SHISAL2A: variants seen among roughly 807,000 people sequenced by gnomAD.
The protein encoded by SHISAL2A is shisa like 2A.
In SHISAL2A, 18 loss-of-function variants were observed where a neutral mutation model predicts 11.5. The observed-to-expected ratio is 1.57, with a 90% CI of 1.08 to 2.33. The LOEUF (loss-of-function observed/expected upper bound fraction) is 2.33, where lower values mean the gene tolerates loss of function less well. Ranked by LOEUF, SHISAL2A falls within the 30% of genes most tolerant of loss-of-function variation. The pLI is 0.00. For missense variants in SHISAL2A, 261 were observed against 250.9 expected (o/e 1.04, Z -0.27); for synonymous variants, 94 against 99.6 (o/e 0.94, Z 0.34).
At chr1:52,665,931 A>G (rs1209404370) in intron 4 of SHISAL2A, among the ~76,000 whole-genome samples, 1 of 152,146 alleles carries the variant, frequency 6.6e-6, no homozygotes, top group Admixed American at 6.6e-5. Context: ...TGCATGTGTG[A>G]GCTCACATGT....
intron 2 of SHISAL2A, among the ~76,000 whole-genome samples, chr1:52,648,634 C>T (rs141098690): frequency 1.5e-3 from 226 of 152,276 alleles, no homozygotes; most frequent in Non-Finnish European, 2.3e-3. Context: ...AGGTAGGTCT[C>T]ATTATAACCC....
chr1:52,634,109 C>T, intron 1 of SHISAL2A, among the ~76,000 whole-genome samples: 1 of 152,128 alleles, frequency 6.6e-6, no homozygotes, highest in African/African-American at 2.4e-5. Flanking sequence ...ACTTTCCACA[C>T]TCCCCAGTAC....
intron 4 of SHISAL2A, among the ~76,000 whole-genome samples, chr1:52,665,505 T>C (rs1345061599): frequency 1.3e-5 from 2 of 152,178 alleles, no homozygotes; most frequent in East Asian, 3.9e-4. Flanking sequence ...AGACTTATCA[T>C]GAGCTCATCA....
intron 2 of SHISAL2A, among the ~76,000 whole-genome samples, chr1:52,650,537 A>G (rs765223482): frequency 2.6e-5 from 4 of 152,088 alleles, no homozygotes; most frequent in Non-Finnish European, 5.9e-5. Context: ...TCTCAAACAC[A>G]TAGTAGGCTT....
At chr1:52,661,925 C>T (rs1490796318), downstream of SHISAL2A, among the ~76,000 whole-genome samples, 4 of 151,744 alleles carry the variant, frequency 2.6e-5, no homozygotes, top group Admixed American at 2.0e-4. Context: ...CCCAGCTACT[C>T]GGGAGGCTGA....
downstream of SHISAL2A, among the ~76,000 whole-genome samples, chr1:52,658,022 T>C (rs1405253481): frequency 6.8e-6 from 1 of 147,986 alleles, no homozygotes; most frequent in Non-Finnish European, 1.5e-5. Flanking sequence ...ACTCACTTCG[T>C]AAACATTAAA....
At chr1:52,659,753 G>A (rs1691868526), downstream of SHISAL2A, among the ~76,000 whole-genome samples, 1 of 152,220 alleles carries the variant, frequency 6.6e-6, no homozygotes, top group Admixed American at 6.5e-5. Flanking sequence ...GACGCTCTGT[G>A]CGACCCTTCA....
chr1:52,666,218 G>T (rs961925069), intron 4 of SHISAL2A, among the ~76,000 whole-genome samples: 9 of 152,142 alleles, frequency 5.9e-5, no homozygotes, highest in African/African-American at 2.2e-4. Flanking sequence ...TTGGACGACT[G>T]AGACGGGGGG....
intron 2 of SHISAL2A, among the ~76,000 whole-genome samples, chr1:52,647,133 C>G (rs1171392413): frequency 6.6e-6 from 1 of 152,120 alleles, no homozygotes; most frequent in African/African-American, 2.4e-5. Context: ...TGTACCTGGC[C>G]TGTTTTTGTT....
Position 52,640,580 on chromosome 1 carries a change from G to A in SHISAL2A, c.183-2283G>A, listed in dbSNP as rs145264293. Reference sequence around the variant, plus strand: ...TGAAATCCCGCCTACCAGGGAGGCTGAGGCAGGAGAATCAAGACTCTGTCT... The same window carrying A: ...TGAAATCCCGCCTACCAGGGAGGCTAAGGCAGGAGAATCAAGACTCTGTCT... On this transcript the variant is annotated intron_variant, in intron 1 of 2. Coordinates refer to ENST00000517870, the MANE Select transcript of SHISAL2A (RefSeq NM_001042693.3). Among the ~76,000 whole-genome samples, 10 of 151,428 alleles carry A rather than the reference G, an allele frequency of 6.6e-5. No individual in the cohort carries two copies. The East Asian group carries it at 1.7e-3, about 26-fold the overall frequency.
chr1:52,649,876 G>C (rs1306186620), intron 2 of SHISAL2A, among the ~76,000 whole-genome samples: 1 of 152,150 alleles, frequency 6.6e-6, no homozygotes, highest in Non-Finnish European at 1.5e-5. Flanking sequence ...TGGTGAAGAG[G>C]TCATTAGTCA....
At chr1:52,667,516 C>G (rs548128627) in exon 5 of SHISAL2A, 2 of 365,402 alleles carry the variant, frequency 5.5e-6, no homozygotes, top group South Asian at 2.2e-4. Context: ...CCACCATCAT[C>G]ATCATTGTCA....
intron 1 of SHISAL2A, among the ~76,000 whole-genome samples, chr1:52,635,586 A>G (rs1691220466): frequency 6.6e-6 from 1 of 152,014 alleles, no homozygotes; most frequent in African/African-American, 2.4e-5. Context: ...GTCTATCAAA[A>G]TGAAAGGTCT....
At chr1:52,655,856 A>G (rs1691780393) in intron 2 of SHISAL2A, among the ~76,000 whole-genome samples, 1 of 152,198 alleles carries the variant, frequency 6.6e-6, no homozygotes, top group South Asian at 2.1e-4. Context: ...GGAGGACGTG[A>G]TGGAGGGGCC....
intron 1 of SHISAL2A, chr1:52,640,015 C>G (rs1691326353): frequency 6.6e-6 from 1 of 152,148 alleles, no homozygotes; most frequent in South Asian, 2.1e-4. Context: ...GTCTTGAATT[C>G]CTGGACTCAA....
At chr1:52,639,554 C>T (rs1407133888) in intron 1 of SHISAL2A, among the ~76,000 whole-genome samples, 2 of 151,950 alleles carry the variant, frequency 1.3e-5, no homozygotes, top group Non-Finnish European at 2.9e-5. Context: ...GAGATCGAGA[C>T]CATCCTGGCT....
chr1:52,660,489 C>A (rs1691882910), downstream of SHISAL2A, among the ~76,000 whole-genome samples: 1 of 152,152 alleles, frequency 6.6e-6, no homozygotes, highest in Admixed American at 6.5e-5. Flanking sequence ...GATACGCAGA[C>A]AGAAATAGTC....
intron 4 of SHISAL2A, among the ~76,000 whole-genome samples, chr1:52,665,832 C>T (rs972849688): frequency 1.3e-5 from 2 of 152,180 alleles, no homozygotes; most frequent in African/African-American, 4.8e-5. Flanking sequence ...CTGATGGCCT[C>T]ACAGGCAGCT....
At chr1:52,640,766 T>C (rs999520097) in intron 1 of SHISAL2A, among the ~76,000 whole-genome samples, 1 of 152,208 alleles carries the variant, frequency 6.6e-6, no homozygotes, top group Non-Finnish European at 1.5e-5. Flanking sequence ...AGCTCCTAAA[T>C]TCCTTATAAT....
Sources: allele counts gnomAD v4.1 joint callset (sites outside exome capture counted in the v4.1 genomes callset), GRCh38; gene constraint gnomAD v4.1.1; transcripts MANE v1.5; gene names NCBI Gene and HGNC (gene_info 2026-07-23, HGNC 2026-07-21).